ATF6: variants seen among roughly 807,000 people sequenced by gnomAD.
ATF6 encodes activating transcription factor 6, also known as cyclic AMP-dependent transcription factor ATF-6 alpha.
ATF6 carries 53 observed loss-of-function variants against 83.6 expected under a neutral mutation model. That is an observed-to-expected ratio of 0.63 (90% CI 0.51 to 0.80). ATF6 has a LOEUF of 0.80. ATF6 is among the 30% of genes least tolerant of loss of function. ATF6 has a pLI of 0.00. For missense variants in ATF6, 744 were observed against 797.9 expected (o/e 0.93, Z 0.81); for synonymous variants, 288 against 285.8 (o/e 1.01, Z -0.08).
At chr1:161,844,710 A>C (rs565441467) in intron 9 of ATF6, among the ~76,000 whole-genome samples, 1 of 152,342 alleles carries the variant, frequency 6.6e-6, no homozygotes. Context: ...CTTGAAAGAA[A>C]AAGTAAACAC....
At chr1:161,957,199 G>T (rs1369567678) in intron 15 of ATF6, among the ~76,000 whole-genome samples, 1 of 151,578 alleles carries the variant, frequency 6.6e-6, no homozygotes, top group Non-Finnish European at 1.5e-5. Flanking sequence ...AGAATAGAAA[G>T]AATTCTACGT....
intron 4 of ATF6, among the ~76,000 whole-genome samples, chr1:161,788,770 C>T (rs1684804675): frequency 6.6e-6 from 1 of 152,034 alleles, no homozygotes; most frequent in Non-Finnish European, 1.5e-5. Context: ...TTAATTTTCT[C>T]TATAAAATGA....
chr1:161,884,350 T>A (rs1355628673), intron 14 of ATF6, among the ~76,000 whole-genome samples: 1 of 152,106 alleles, frequency 6.6e-6, no homozygotes, highest in Non-Finnish European at 1.5e-5. Flanking sequence ...AACGTTAAAA[T>A]TTTTTAAATG....
chr1:161,814,555 C>A (rs962290240), intron 7 of ATF6, among the ~76,000 whole-genome samples: 1 of 152,184 alleles, frequency 6.6e-6, no homozygotes, highest in Non-Finnish European at 1.5e-5. Flanking sequence ...CCTTGATAAT[C>A]TGCCAAATAA....
chr1:161,908,140 G>A (rs1235015873), intron 14 of ATF6, among the ~76,000 whole-genome samples: 3 of 152,126 alleles, frequency 2.0e-5, no homozygotes, highest in African/African-American at 4.8e-5. Flanking sequence ...TGTGCTATGG[G>A]CACCAGTCAG....
At chr1:161,956,407 T>C (rs1367720297) in intron 15 of ATF6, among the ~76,000 whole-genome samples, 1 of 152,246 alleles carries the variant, frequency 6.6e-6, no homozygotes, top group African/African-American at 2.4e-5. Flanking sequence ...AGTCACGTGT[T>C]GTAAATGAAA....
At chr1:161,804,854 G>T (rs1292844721) in intron 7 of ATF6, among the ~76,000 whole-genome samples, 2 of 151,854 alleles carry the variant, frequency 1.3e-5, no homozygotes, top group Admixed American at 1.3e-4. Context: ...GACTGTGTCT[G>T]TTCAGCTTTT....
chr1:161,786,002 C>T (rs1411440776), intron 4 of ATF6, among the ~76,000 whole-genome samples: 6 of 148,194 alleles, frequency 4.0e-5, no homozygotes, highest in Non-Finnish European at 7.4e-5. Context: ...GATGAACTCT[C>T]TCTCTTGTCT....
chr1:161,939,717 AT>A (rs1290097296), intron 15 of ATF6, among the ~76,000 whole-genome samples: 3 of 152,212 alleles, frequency 2.0e-5, no homozygotes. Flanking sequence ...GAAGAAGAAG[AT>A]AGGAAGTGAG....
At chr1:161,955,080 A>G (rs1688939049) in intron 15 of ATF6, among the ~76,000 whole-genome samples, 1 of 152,166 alleles carries the variant, frequency 6.6e-6, no homozygotes, top group Non-Finnish European at 1.5e-5. Flanking sequence ...TCTAATGTTG[A>G]CCATGTTCTA....
chr1:161,835,116 C>T (rs983477157), intron 9 of ATF6, among the ~76,000 whole-genome samples: 1 of 152,108 alleles, frequency 6.6e-6, no homozygotes, highest in Non-Finnish European at 1.5e-5. Flanking sequence ...GTTTTCCAGG[C>T]TGGAGTGCAG....
intron 14 of ATF6, among the ~76,000 whole-genome samples, chr1:161,904,528 C>T (rs1277013677): frequency 6.6e-6 from 1 of 151,992 alleles, no homozygotes; most frequent in Non-Finnish European, 1.5e-5. Flanking sequence ...GCAGAGTTTG[C>T]AGTGAGCTGA....
At chr1:161,892,588 T>C (rs1437487698) in intron 14 of ATF6, among the ~76,000 whole-genome samples, 1 of 151,856 alleles carries the variant, frequency 6.6e-6, no homozygotes, top group African/African-American at 2.4e-5. Context: ...TTTCTTAAAG[T>C]CCCTCATTAG....
chr1:161,778,266 C>A lies in ATF6; in HGVS notation c.105C>A (p.Leu35=), dbSNP rs2070151. 1 of 1,613,198 alleles carries A rather than the reference C, an allele frequency of 6.2e-7. No individual in the cohort carries two copies. The stretch of plus-strand genomic sequence containing the variant: ...AAGATTCTGCTCTCTTTGCTGAACT[C>A]GGTTATTTCACAGACACTGATGAGC... ...EDWDSALFAE[L]GYFTDTDELQ... is the part of the protein sequence containing the mutation. Residue 35 remains leucine (L), a synonymous_variant, in exon 2 of 16, where the codon CTC becomes CTA. Transcript: ENST00000367942.
At chr1:161,833,660 T>A (rs566366504) in intron 9 of ATF6, among the ~76,000 whole-genome samples, 25 of 152,312 alleles carry the variant, frequency 1.6e-4, no homozygotes, top group African/African-American at 5.5e-4. Flanking sequence ...GTATCAGCGA[T>A]GGAAGACGAA....
intron 4 of ATF6, among the ~76,000 whole-genome samples, chr1:161,789,563 G>A (rs141151049): frequency 2.6e-4 from 40 of 151,722 alleles, no homozygotes; most frequent in African/African-American, 8.9e-4. Flanking sequence ...TAAAAGGCAC[G>A]CTGTCTCTTT....
chr1:161,931,033 T>C (rs763780052), intron 15 of ATF6, among the ~76,000 whole-genome samples: 2 of 152,092 alleles, frequency 1.3e-5, no homozygotes, highest in Non-Finnish European at 2.9e-5. Context: ...CACACCACCA[T>C]GCCTGGCTAA....
At chr1:161,904,292 T>C (rs1687843155) in intron 14 of ATF6, among the ~76,000 whole-genome samples, 2 of 152,090 alleles carry the variant, frequency 1.3e-5, no homozygotes, top group South Asian at 4.1e-4. Context: ...AAATGCACTT[T>C]AAAACTGAAT....
At chr1:161,829,803 C>T (rs977865395) in intron 9 of ATF6, among the ~76,000 whole-genome samples, 12 of 152,254 alleles carry the variant, frequency 7.9e-5, no homozygotes, top group African/African-American at 2.9e-4. Context: ...TGGAACATAT[C>T]TCAAAATAAA....
Sources: allele counts gnomAD v4.1 joint callset (sites outside exome capture counted in the v4.1 genomes callset), GRCh38; gene constraint gnomAD v4.1.1; transcripts MANE v1.5; gene names NCBI Gene and HGNC (gene_info 2026-07-23, HGNC 2026-07-21).